M1AP: variants seen among roughly 807,000 people sequenced by gnomAD.
M1AP encodes the protein meiosis 1 associated protein, also known as meiosis 1 arrest protein.
Under a neutral mutation model 51.2 loss-of-function variants are expected in M1AP, and 39 were observed. That is an observed-to-expected ratio of 0.76 (90% CI 0.59 to 1.00). The LOEUF is 1.00. Among genes scored for constraint, M1AP ranks in the 50% least tolerant of loss-of-function variants. The pLI, the probability that M1AP is intolerant of heterozygous loss-of-function variation, is 0.00. For synonymous variants in M1AP, 251 were observed against 249.2 expected, an observed-to-expected ratio of 1.01 and a Z score of -0.07; for missense variants, 545 against 641.2, an observed-to-expected ratio of 0.85 and a Z score of 1.62.
intron 2 of M1AP, among the ~76,000 whole-genome samples, chr2:74,635,048 A>G (rs1446599378): frequency 6.6e-6 from 1 of 152,142 alleles, no homozygotes; most frequent in African/African-American, 2.4e-5. Context: ...GAAAGAGATT[A>G]TGTAGAATTG....
chr2:74,643,494 T>A (rs1573202224), intron 1 of M1AP, among the ~76,000 whole-genome samples: 1 of 151,392 alleles, frequency 6.6e-6, no homozygotes, highest in East Asian at 1.9e-4. Context: ...GAATTGATTA[T>A]CACAAAAATG....
chr2:74,638,061 T>C (rs1006734547), intron 2 of M1AP, among the ~76,000 whole-genome samples: 4 of 151,546 alleles, frequency 2.6e-5, no homozygotes, highest in African/African-American at 9.7e-5. Context: ...GACAATTCTT[T>C]TTTTTTTTTT....
At chr2:74,600,035 G>T (rs1452991070) in intron 4 of M1AP, among the ~76,000 whole-genome samples, 2 of 151,952 alleles carry the variant, frequency 1.3e-5, no homozygotes, top group Non-Finnish European at 2.9e-5. Flanking sequence ...AAGTGCTAGG[G>T]TTACAGGTAT....
chr2:74,628,010 TATAA>T (rs1160820741), intron 2 of M1AP, among the ~76,000 whole-genome samples: 9 of 152,184 alleles, frequency 5.9e-5, no homozygotes, highest in African/African-American at 1.9e-4. Flanking sequence ...ATTTTATATA[TATAA>T]ATAAACTCTT....
chr2:74,602,224 C>T (rs1680718883), intron 4 of M1AP, among the ~76,000 whole-genome samples: 1 of 151,776 alleles, frequency 6.6e-6, no homozygotes, highest in African/African-American at 2.4e-5. Context: ...TTCAATCATT[C>T]ATTTGTTTTG....
intron 10 of M1AP, 78 bp from the exon 11 acceptor site, chr2:74,558,952 G>C (rs1325008666): frequency 1.5e-6 from 2 of 1,364,528 alleles, no homozygotes; most frequent in Non-Finnish European, 2.0e-6. Context: ...TGGGCTTCCT[G>C]TCCTAACTCT....
chr2:74,596,026 A>G (rs1342610041), intron 4 of M1AP, among the ~76,000 whole-genome samples: 1 of 152,236 alleles, frequency 6.6e-6, no homozygotes, highest in Non-Finnish European at 1.5e-5. Flanking sequence ...ATTGAAAAAT[A>G]TTTAAATAAT....
At chr2:74,612,470 G>A (rs906016188) in intron 3 of M1AP, among the ~76,000 whole-genome samples, 4 of 151,988 alleles carry the variant, frequency 2.6e-5, no homozygotes, top group East Asian at 1.9e-4. Flanking sequence ...TCCTCCTGCC[G>A]TAGCTTCCCA....
At chr2:74,603,042 A>T (rs1043259010) in intron 4 of M1AP, among the ~76,000 whole-genome samples, 3 of 152,158 alleles carry the variant, frequency 2.0e-5, no homozygotes, top group African/African-American at 7.2e-5. Context: ...AAGAGAGAAA[A>T]AGAGCTTCTC....
At chr2:74,570,813 T>C (rs1285580550) in intron 7 of M1AP, among the ~76,000 whole-genome samples, 1 of 151,760 alleles carries the variant, frequency 6.6e-6, no homozygotes, top group Non-Finnish European at 1.5e-5. Context: ...TAAACAATAG[T>C]AAGCCACAAA....
At chr2:74,621,143 G>T (rs1322808277) in intron 2 of M1AP, among the ~76,000 whole-genome samples, 2 of 151,512 alleles carry the variant, frequency 1.3e-5, no homozygotes, top group African/African-American at 4.8e-5. Flanking sequence ...TTAGCCAGGC[G>T]TAGTGGCGGG....
At chr2:74,629,578 C>G (rs1682587640) in intron 2 of M1AP, among the ~76,000 whole-genome samples, 1 of 152,026 alleles carries the variant, frequency 6.6e-6, no homozygotes. Flanking sequence ...TGGTGAAACC[C>G]CATCTCTACC....
chr2:74,648,035 C>A, intron 1 of M1AP: 1 of 985,552 alleles, frequency 1.0e-6, no homozygotes, highest in South Asian at 4.7e-5. Context: ...AAGCTCCGGG[C>A]CCAGACTCCG....
intron 7 of M1AP, among the ~76,000 whole-genome samples, chr2:74,572,336 A>G (rs1573075209): frequency 6.6e-6 from 1 of 151,532 alleles, no homozygotes; most frequent in Admixed American, 6.6e-5. Flanking sequence ...TTTCTTTCCC[A>G]CCCCCCCTAA....
chr2:74,642,119 G>A (rs542894449), intron 1 of M1AP, among the ~76,000 whole-genome samples: 1 of 152,102 alleles, frequency 6.6e-6, no homozygotes, highest in Admixed American at 6.5e-5. Flanking sequence ...CGTGAGCCAC[G>A]GCACCTGGCC....
At chr2:74,578,617 T>C (rs896468004) in intron 5 of M1AP, among the ~76,000 whole-genome samples, 16 of 152,242 alleles carry the variant, frequency 1.1e-4, no homozygotes, top group Admixed American at 9.8e-4. Context: ...AGAGCCCAGA[T>C]GCAGATGTGG....
intron 1 of M1AP, among the ~76,000 whole-genome samples, chr2:74,641,028 T>C (rs1413635810): frequency 6.6e-6 from 1 of 152,272 alleles, no homozygotes; most frequent in Non-Finnish European, 1.5e-5. Context: ...TATTCATCAA[T>C]GCCTAGCATA....
rs562339603 is a variant in M1AP, at chr2:74,608,925, G to A, written c.427-1702C>T. Among the ~76,000 whole-genome samples, 10 of 152,228 alleles carry A rather than the reference G, an allele frequency of 6.6e-5. No homozygotes were observed. In the East Asian group the frequency reaches 1.7e-3, roughly 26 times the overall value. On this transcript the variant is annotated intron_variant, in intron 3 of 10. Coordinates refer to ENST00000421985, the MANE Select transcript of M1AP (RefSeq NM_001321739.2). ...TAAGGTCTTTGGTCCATTTTTTAAAGTTTTATTTTGTTTTTAATTGACACA... is the reference window on the plus strand; with the variant it reads ...TAAGGTCTTTGGTCCATTTTTTAAAATTTTATTTTGTTTTTAATTGACACA...
intron 7 of M1AP, 114 bp downstream of exon 7, chr2:74,575,324 G>T (rs1678992283): frequency 6.6e-7 from 1 of 1,514,236 alleles, no homozygotes; most frequent in South Asian, 1.3e-5. Flanking sequence ...AGTTTTTTCT[G>T]TCTTCTTGAG....
Sources: gnomAD v4.1 joint callset for allele counts (sites outside exome capture counted in the v4.1 genomes callset) on GRCh38, gnomAD v4.1.1 for gene constraint, MANE v1.5 for transcripts, NCBI Gene and HGNC (gene_info 2026-07-23, HGNC 2026-07-21) for gene names.